The following LHCGR variants were observed in gnomAD, a reference collection of about 807,000 sequenced individuals.
The protein encoded by LHCGR is lutropin-choriogonadotropic hormone receptor.
In LHCGR, 55 loss-of-function variants were observed where a neutral mutation model predicts 60.7. The observed-to-expected ratio is 0.91, with a 90% CI of 0.73 to 1.13. The LOEUF (loss-of-function observed/expected upper bound fraction) is 1.13, where lower values mean the gene tolerates loss of function less well. Ranked by LOEUF, LHCGR falls within the 50% of genes most tolerant of loss-of-function variation. The pLI is 0.00. For missense variants in LHCGR, 862 were observed against 836.0 expected (o/e 1.03, Z -0.38); for synonymous variants, 337 against 316.5 (o/e 1.06, Z -0.69).
chr2:48,748,366 A>T (rs1375977176), intron 1 of LHCGR, among the ~76,000 whole-genome samples: 3 of 152,132 alleles, frequency 2.0e-5, no homozygotes, highest in Admixed American at 6.5e-5. Context: ...GGAGGAAAAG[A>T]TCCAGAATGG....
At chr2:48,727,900 T>A (rs1668809483) in intron 3 of LHCGR, among the ~76,000 whole-genome samples, 1 of 152,198 alleles carries the variant, frequency 6.6e-6, no homozygotes, top group African/African-American at 2.4e-5. Context: ...TTGGGTCATT[T>A]ATAGGGGGAC....
intron 1 of LHCGR, among the ~76,000 whole-genome samples, chr2:48,749,127 A>G (rs1186613133): frequency 1.3e-5 from 2 of 152,214 alleles, no homozygotes; most frequent in Admixed American, 1.3e-4. Context: ...TTGTTTATAA[A>G]TTGTACTTTT....
chr2:48,708,882 G>A, intron 8 of LHCGR, 66 bp downstream of exon 8: 1 of 1,209,088 alleles, frequency 8.3e-7, no homozygotes, highest in South Asian at 1.2e-5. Flanking sequence ...TGATGTGGAG[G>A]GACACCCTAA....
intron 7 of LHCGR, among the ~76,000 whole-genome samples, chr2:48,710,209 C>T (rs892265884): frequency 6.6e-6 from 1 of 152,202 alleles, no homozygotes; most frequent in Non-Finnish European, 1.5e-5. Flanking sequence ...AATCTCACAT[C>T]GTCCCATCCC....
chr2:48,712,874 T>C (rs1041972219), intron 7 of LHCGR, among the ~76,000 whole-genome samples: 6 of 152,156 alleles, frequency 3.9e-5, no homozygotes, highest in African/African-American at 1.2e-4. Flanking sequence ...GGACTGGAGT[T>C]TGAGTCCCAC....
Position 48,687,860 on chromosome 2 carries a change from C to A in LHCGR, c.1937G>T (p.Arg646Leu), listed in dbSNP as rs145722516. The A allele has an allele frequency of 1.2e-6, 2 of 1,613,950 alleles. No individual in the cohort carries two copies. Among genetic ancestry groups the A allele is most frequent in the African/African-American group, 2.7e-5 (2 of 74,886 alleles). Reference protein sequence around the residue: ...LLLSKFGCCKRRAELYRRKDF... With the variant: ...LLLSKFGCCKLRAELYRRKDF... ...TTTCCTTCTATAAAGTTCAGCCCGA[C>A]GTTTACAGCAGCCAAATTTGCTCAG... is the stretch of plus-strand genomic sequence containing the variant. Residue 646 changes from arginine (R) to leucine (L), a missense_variant, in exon 11 of 11, where the codon CGT becomes CTT. By Grantham distance (102) the Arg-to-Leu change is moderately radical. Coordinates refer to ENST00000294954, the MANE Select transcript of LHCGR (RefSeq NM_000233.4).
chr2:48,707,540 T>C (rs1337639273), intron 8 of LHCGR, among the ~76,000 whole-genome samples: 2 of 152,270 alleles, frequency 1.3e-5, no homozygotes, highest in African/African-American at 4.8e-5. Context: ...ATGAGGGTTT[T>C]CTCTGTAATT....
chr2:48,740,676 C>T (rs1443832273), intron 1 of LHCGR, among the ~76,000 whole-genome samples: 2 of 151,818 alleles, frequency 1.3e-5, no homozygotes, highest in African/African-American at 4.8e-5. Flanking sequence ...GACATCCACA[C>T]CAAAAACCCA....
chr2:48,729,328 C>G, intron 2 of LHCGR, 101 bp from the exon 3 acceptor site: 1 of 866,840 alleles, frequency 1.2e-6, no homozygotes, highest in Non-Finnish European at 1.9e-6. Flanking sequence ...CTGGGGACAC[C>G]ACTGTGTCCC....
At position 48,688,649 on chromosome 2, in the gene LHCGR, A is replaced by T; in HGVS notation, c.1148T>A (p.Val383Asp). ...AAGTTTGTAACGACTTGTCAGGAGA[A>T]CAAAAAGAACAGTCATGTTTCCCAT... is the stretch of plus-strand genomic sequence containing the variant. Reference protein sequence around the residue: ...AIMGNMTVLFVLLTSRYKLTV... With the variant: ...AIMGNMTVLFDLLTSRYKLTV... Residue 383 changes from valine (V) to aspartate (D), a missense_variant, in exon 11 of 11, where the codon GTT becomes GAT. Coordinates refer to ENST00000294954, the MANE Select transcript of LHCGR (RefSeq NM_000233.4). The surrounding 1 kb of genome is among the most constrained non-coding windows in gnomAD (Gnocchi z 5.2). 6.2e-7 allele frequency: 1 copy of T among 1,614,232 alleles called. No homozygotes were observed. Among genetic ancestry groups the T allele is most frequent in the Non-Finnish European group, 8.5e-7 (1 of 1,180,040 alleles).
Position 48,706,534 on chromosome 2 carries a change from C to T in LHCGR, c.680+2414G>A, listed in dbSNP as rs534347218. On this transcript the variant is annotated intron_variant, in intron 8 of 10. Transcript: ENST00000294954. Reference sequence around the variant, plus strand: ...ATCACTTTCAGGTACACCAATCAAACGTAGATATGGTCTTTTAACATAGTC... The same window carrying T: ...ATCACTTTCAGGTACACCAATCAAATGTAGATATGGTCTTTTAACATAGTC... Among the ~76,000 whole-genome samples the T allele has an allele frequency of 1.8e-3, 270 of 152,324 alleles. 3 individuals carry two copies. The highest frequency in any genetic ancestry group is 6.3e-3 in the African/African-American group (261 of 41,574).
chr2:48,741,593 G>A (rs1669456481), intron 1 of LHCGR, among the ~76,000 whole-genome samples: 1 of 151,714 alleles, frequency 6.6e-6, no homozygotes, highest in African/African-American at 2.4e-5. Context: ...GCCAAACTAA[G>A]CTTCTTAAGT....
chr2:48,749,929 T>C (rs544117275), intron 1 of LHCGR, among the ~76,000 whole-genome samples: 1 of 152,250 alleles, frequency 6.6e-6, no homozygotes, highest in South Asian at 2.1e-4. Flanking sequence ...AAATAAAATC[T>C]AGTCCTTCCT....
chr2:48,740,543 T>G (rs4953621), intron 1 of LHCGR, among the ~76,000 whole-genome samples: 2 of 151,636 alleles, frequency 1.3e-5, no homozygotes, highest in Non-Finnish European at 2.9e-5. Context: ...CCCTGACCCC[T>G]GAGCAGCCTA....
At chr2:48,691,085 G>A (rs1432634277) in intron 10 of LHCGR, among the ~76,000 whole-genome samples, 1 of 152,152 alleles carries the variant, frequency 6.6e-6, no homozygotes, top group Non-Finnish European at 1.5e-5. Flanking sequence ...CTGGAGAAAT[G>A]GGCATAATTT....
intron 7 of LHCGR, among the ~76,000 whole-genome samples, chr2:48,710,991 T>A (rs753866112): frequency 6.6e-6 from 1 of 152,160 alleles, no homozygotes; most frequent in Non-Finnish European, 1.5e-5. Flanking sequence ...ATCTCCTTCA[T>A]CTCCAGTCTC....
chr2:48,747,403 G>A (rs1279465009), intron 1 of LHCGR, among the ~76,000 whole-genome samples: 1 of 152,180 alleles, frequency 6.6e-6, no homozygotes, highest in African/African-American at 2.4e-5. Context: ...TGGGTTTGAA[G>A]TGCCTGAAAT....
At chr2:48,705,793 A>T (rs538427106) in intron 8 of LHCGR, among the ~76,000 whole-genome samples, 1 of 151,760 alleles carries the variant, frequency 6.6e-6, no homozygotes, top group African/African-American at 2.4e-5. Context: ...GTGTCTTTGC[A>T]TGTGAGATGG....
chr2:48,693,347 C>G (rs1008936637), intron 10 of LHCGR, among the ~76,000 whole-genome samples: 1 of 152,120 alleles, frequency 6.6e-6, no homozygotes, highest in Non-Finnish European at 1.5e-5. Context: ...AGAAAGGTCT[C>G]AAAAGGGATA....
Sources: allele counts gnomAD v4.1 joint callset (sites outside exome capture counted in the v4.1 genomes callset), GRCh38; gene constraint gnomAD v4.1.1; non-coding constraint Gnocchi (gnomAD v3.1); transcripts MANE v1.5; gene names NCBI Gene and HGNC (gene_info 2026-07-23, HGNC 2026-07-21).